The following UVSSA variants were observed in gnomAD, a reference collection of about 807,000 sequenced individuals.
UVSSA encodes UV stimulated scaffold protein A, also known as UV-stimulated scaffold protein A.
In UVSSA, 72 loss-of-function variants were observed where a neutral mutation model predicts 73.9. The ratio of observed to expected loss-of-function variants is 0.97; its 90% CI spans 0.81 to 1.19. The LOEUF (loss-of-function observed/expected upper bound fraction) is 1.19, where lower values mean the gene tolerates loss of function less well. Among genes scored for constraint, UVSSA ranks in the 50% most tolerant of loss-of-function variants. UVSSA has a pLI of 0.00. For synonymous variants in UVSSA, 454 were observed against 391.3 expected (o/e 1.16, Z -1.89); for missense variants, 1,150 against 965.0 (o/e 1.19, Z -2.54).
intron 8 of UVSSA, among the ~76,000 whole-genome samples, chr4:1,373,513 C>T (rs1464480092): frequency 6.6e-5 from 10 of 152,190 alleles, no homozygotes. Flanking sequence ...ACTTTGTATC[C>T]TTCAATCCAA....
Position 1,375,100 on chromosome 4 carries a change from C to T in UVSSA, c.1289-264C>T, listed in dbSNP as rs536614649. 25 of 530,616 alleles carry T rather than the reference C, an allele frequency of 4.7e-5. No homozygotes were observed. In the South Asian group the frequency reaches 4.7e-4, roughly 10 times the overall value. The allele number at this position is 530,616 out of a possible 1,614,324, so 32.9% of individuals were successfully genotyped here. A position where few individuals can be genotyped will look rare whatever the true frequency, so the allele number is the denominator to read the frequency against. The stretch of plus-strand genomic sequence containing the variant: ...CTCAGGCTGGCACTTCTGCAAAGCC[C>T]GGCAGCACAGTGTGTGAACAGCGTG... On this transcript the variant is annotated intron_variant, in intron 8 of 13. Coordinates refer to ENST00000389851, the MANE Select transcript of UVSSA (RefSeq NM_020894.4).
chr4:1,376,755 C>T (rs1394363432), intron 10 of UVSSA, among the ~76,000 whole-genome samples: 1 of 152,222 alleles, frequency 6.6e-6, no homozygotes, highest in African/African-American at 2.4e-5. Context: ...TACTCCAGCG[C>T]CTGCCACAGC....
At chr4:1,356,842 A>C (rs1244683216) in intron 7 of UVSSA, 1 of 152,376 alleles carries the variant, frequency 6.6e-6, no homozygotes. Context: ...CTGGAGCCTC[A>C]CGCTGAGACC....
In UVSSA at chr4:1,387,831, T is replaced by G. The variant is rs1720255926; in HGVS notation, c.*1870T>G. ...TTATGCCAGTGCCACAGTGCCTTGA[T>G]CAGTGCTGCTTTGTTGTGAGAAGTT... is the stretch of plus-strand genomic sequence containing the variant. On this transcript the variant is annotated 3_prime_UTR_variant, in exon 14 of 14. Transcript: ENST00000389851. 6.6e-6 allele frequency: 1 copy of G among 152,222 alleles called. No homozygotes were observed. Among genetic ancestry groups the G allele is most frequent in the East Asian group, 1.9e-4 (1 of 5,198 alleles). The allele number at this position is 152,222 out of a possible 1,614,324, so 9.4% of individuals were successfully genotyped here. A position where few individuals can be genotyped will look rare whatever the true frequency, so the allele number is the denominator to read the frequency against.
At chr4:1,381,611 G>T (rs1375622878) in intron 12 of UVSSA, among the ~76,000 whole-genome samples, 2 of 151,300 alleles carry the variant, frequency 1.3e-5, no homozygotes, top group South Asian at 4.2e-4. Context: ...CTGCATATCT[G>T]TTTTCCAAGG....
rs1713929433 is a variant in UVSSA, at chr4:1,347,745, G to C, written c.-18G>C. ...GGCCTCTGCAGCCTTGCTGGAGGCT[G>C]CCCTGCGGAATCTGAGTGAATAAGG... On this transcript the variant is annotated 5_prime_UTR_variant, in exon 1 of 14. Transcript: ENST00000389851. 4.5e-6 allele frequency: 1 copy of C among 223,528 alleles called. No individual in the cohort carries two copies. The highest frequency in any genetic ancestry group is 2.3e-5 in the African/African-American group (1 of 43,088). The allele number at this position is 223,528 out of a possible 1,614,324, so 13.8% of individuals were successfully genotyped here. A position where few individuals can be genotyped will look rare whatever the true frequency, so the allele number is the denominator to read the frequency against.
intron 13 of UVSSA, 167 bp from the exon 14 acceptor site, chr4:1,385,701 G>A (rs562601917): frequency 2.5e-5 from 17 of 672,066 alleles, no homozygotes; most frequent in Non-Finnish European, 4.4e-5. Context: ...AGGGCCAAGG[G>A]GCCCGTCGCC....
intron 3 of UVSSA, 149 bp from the exon 4 acceptor site, chr4:1,351,566 T>C (rs1714755051): frequency 1.3e-6 from 1 of 780,478 alleles, no homozygotes; most frequent in Non-Finnish European, 1.9e-6. Flanking sequence ...TTTTTTTGTA[T>C]TTTTAGTAGA....
In UVSSA at chr4:1,376,185, C is replaced by A. The variant is rs767597367; in HGVS notation, c.1568+17C>A. On this transcript the variant is annotated intron_variant, in intron 10 of 13. Transcript: ENST00000389851. ...GATTGTCAAGTGAGTCCCCATGTGT[C>A]TGAAGTCGGCCAGGGCACACAACCA... 44 of 1,599,000 alleles carry A rather than the reference C, an allele frequency of 2.8e-5. No individual in the cohort carries two copies. Among genetic ancestry groups the A allele is most frequent in the Non-Finnish European group, 3.6e-5 (42 of 1,171,330 alleles).
At chr4:1,348,009 G>A in intron 1 of UVSSA, 81 bp from the exon 2 acceptor site, 1 of 1,226,504 alleles carries the variant, frequency 8.2e-7, no homozygotes, top group Non-Finnish European at 1.2e-6. Context: ...GTTTATAGTG[G>A]AACCCAGTAA....
At chr4:1,395,551 C>T (rs1266917389) in exon 14 of UVSSA, 2 of 1,600,136 alleles carry the variant, frequency 1.2e-6, no homozygotes, top group South Asian at 1.1e-5. Flanking sequence ...TCACACGTGC[C>T]CATGTGGAGT....
At chr4:1,392,404 G>C (rs1463165266), downstream of UVSSA, 3 of 152,214 alleles carry the variant, frequency 2.0e-5, no homozygotes, top group African/African-American at 2.4e-5. Context: ...GGTGCTCTTT[G>C]TGTGGATTTG....
chr4:1,343,865 G>C (rs1389289275), upstream of UVSSA, among the ~76,000 whole-genome samples: 1 of 152,058 alleles, frequency 6.6e-6, no homozygotes, highest in Non-Finnish European at 1.5e-5. Flanking sequence ...TTCATCTGAA[G>C]AGCATCCTAT....
In UVSSA at chr4:1,355,099, C is replaced by G. The variant is rs371368454; in HGVS notation, c.1048-18C>G. On this transcript the variant is annotated intron_variant, in intron 6 of 13. Transcript: ENST00000389851. The stretch of plus-strand genomic sequence containing the variant: ...CTGCCCGGCCGGCCCCTGAGCTGTT[C>G]GCACCCCCGTTTCGCAGCGCTTCAC... 81 of 1,612,600 alleles carry G rather than the reference C, an allele frequency of 5.0e-5. No individual in the cohort carries two copies. The Middle Eastern group carries it at 9.9e-4, about 20-fold the overall frequency.
chr4:1,357,223 C>T (rs1046249802), intron 7 of UVSSA, among the ~76,000 whole-genome samples: 1 of 146,148 alleles, frequency 6.8e-6, no homozygotes, highest in Non-Finnish European at 1.5e-5. Flanking sequence ...GCCTGGGCCC[C>T]TCCAGCTGGT....
At chr4:1,359,596 G>C (rs1716328247) in intron 7 of UVSSA, 1 of 152,174 alleles carries the variant, frequency 6.6e-6, no homozygotes, top group Admixed American at 6.5e-5. Flanking sequence ...CGGGTTACTT[G>C]TTTCCGTGGC....
chr4:1,370,253 ATGTGCGTG>A (rs1008925906), intron 8 of UVSSA, among the ~76,000 whole-genome samples: 15 of 152,190 alleles, frequency 9.9e-5, no homozygotes, highest in African/African-American at 3.1e-4. Context: ...CACTGTGAGC[ATGTGCGTG>A]TGTGCGTGTG....
chr4:1,380,771 A>T (rs1577375630), intron 11 of UVSSA, 109 bp from the exon 12 acceptor site: 2 of 1,580,806 alleles, frequency 1.3e-6, no homozygotes, highest in African/African-American at 1.3e-5. Flanking sequence ...TGGCTCTGTG[A>T]TACCACCCAC....
At chr4:1,351,531 G>A (rs1053132670) in intron 3 of UVSSA, among the ~76,000 whole-genome samples, 184 bp from the exon 4 acceptor site, 2 of 150,178 alleles carry the variant, frequency 1.3e-5, no homozygotes, top group East Asian at 2.0e-4. Flanking sequence ...GACTACAGGC[G>A]CCCGCCACCT....
Sources: allele counts gnomAD v4.1 joint callset (sites outside exome capture counted in the v4.1 genomes callset), GRCh38; gene constraint gnomAD v4.1.1; transcripts MANE v1.5; gene names NCBI Gene and HGNC (gene_info 2026-07-23, HGNC 2026-07-21).